The following LAMA2 variants were observed in gnomAD, a reference collection of about 807,000 sequenced individuals.
The protein encoded by LAMA2 is laminin subunit alpha 2, also known as laminin subunit alpha-2.
In LAMA2, 269 loss-of-function variants were observed where a neutral mutation model predicts 364.8. The observed-to-expected ratio is 0.74, with a 90% CI of 0.67 to 0.82. LAMA2 has a LOEUF of 0.82. Ranked by LOEUF, LAMA2 falls within the 40% of genes least tolerant of loss-of-function variation. The pLI is 0.00. For missense variants in LAMA2, 3,807 were observed against 3,873.2 expected (o/e 0.98, Z 0.45); for synonymous variants, 1,379 against 1,370.6 (o/e 1.01, Z -0.14).
chr6:128,951,153 C>G (rs1344162224), intron 1 of LAMA2, among the ~76,000 whole-genome samples: 1 of 152,092 alleles, frequency 6.6e-6, no homozygotes, highest in African/African-American at 2.4e-5. Flanking sequence ...CAAGCATTGA[C>G]TTTGAAATTA....
intron 1 of LAMA2, among the ~76,000 whole-genome samples, chr6:129,024,606 G>A (rs187798897): frequency 2.2e-4 from 33 of 152,076 alleles, no homozygotes; most frequent in Non-Finnish European, 4.7e-4. Flanking sequence ...ATGTTGGCCA[G>A]CCTGGTCTCA....
intron 22 of LAMA2, among the ~76,000 whole-genome samples, chr6:129,310,036 A>T (rs1255695103): frequency 2.7e-5 from 4 of 150,718 alleles, no homozygotes; most frequent in Non-Finnish European, 4.4e-5. Flanking sequence ...AGTAGCTGGG[A>T]CTACAGGCGC....
At chr6:129,328,438 A>G in intron 29 of LAMA2, 26 bp downstream of exon 29, 1 of 1,614,046 alleles carries the variant, frequency 6.2e-7, no homozygotes, top group Non-Finnish European at 8.5e-7. Flanking sequence ...TTCCTTGAAC[A>G]AGGTCCATGT....
At chr6:129,511,918 A>G (rs938863908) in intron 62 of LAMA2, among the ~76,000 whole-genome samples, 4 of 152,134 alleles carry the variant, frequency 2.6e-5, no homozygotes, top group African/African-American at 7.2e-5. Flanking sequence ...GTGCCCCACT[A>G]AAACTTTACT....
intron 48 of LAMA2, 80 bp downstream of exon 48, chr6:129,456,574 A>G: frequency 7.8e-7 from 1 of 1,286,446 alleles, no homozygotes; most frequent in Non-Finnish European, 1.1e-6. Context: ...AAGGTATGAT[A>G]AAGCTCTGTA....
chr6:129,088,870 T>C (rs1014242102), intron 3 of LAMA2, among the ~76,000 whole-genome samples: 2 of 145,030 alleles, frequency 1.4e-5, no homozygotes, highest in Non-Finnish European at 3.0e-5. Flanking sequence ...TCCCAGACGA[T>C]GGGCGGCCAG....
At chr6:129,382,487 C>T (rs551347994) in intron 34 of LAMA2, among the ~76,000 whole-genome samples, 2 of 152,270 alleles carry the variant, frequency 1.3e-5, no homozygotes, top group African/African-American at 4.8e-5. Flanking sequence ...TTTTACTTTG[C>T]TGACACTGCT....
chr6:129,073,064 C>A (rs1030235131), intron 3 of LAMA2, among the ~76,000 whole-genome samples: 6 of 151,960 alleles, frequency 3.9e-5, no homozygotes, highest in Non-Finnish European at 8.8e-5. Context: ...AATCTCTCAT[C>A]TTTTGTTTGT....
Position 129,354,539 on chromosome 6 carries a change from T to A in LAMA2, c.4717+1182T>A, listed in dbSNP as rs547002365. ...TAGACTATCAAAGTATTTTATAATA[T>A]TGCTTTCAAGTCAAATAAATTATTA... On this transcript the variant is annotated intron_variant, in intron 32 of 64. Transcript: ENST00000421865. Among the ~76,000 whole-genome samples the A allele has an allele frequency of 5.9e-5, 9 of 152,072 alleles. No individual in the cohort carries two copies. The South Asian group carries it at 1.9e-3, about 32-fold the overall frequency.
intron 40 of LAMA2, among the ~76,000 whole-genome samples, chr6:129,410,406 G>T (rs184517471): frequency 6.6e-6 from 1 of 151,442 alleles, no homozygotes. Context: ...TCTTCACCTT[G>T]CAATGACTGT....
intron 45 of LAMA2, 55 bp downstream of exon 45, chr6:129,445,876 A>C: frequency 6.7e-7 from 1 of 1,496,880 alleles, no homozygotes; most frequent in South Asian, 1.1e-5. Context: ...TGGATTATTC[A>C]TAGAGGGAAT....
At chr6:129,067,711 C>CT (rs1789462800) in intron 3 of LAMA2, among the ~76,000 whole-genome samples, 1 of 152,204 alleles carries the variant, frequency 6.6e-6, no homozygotes, top group Non-Finnish European at 1.5e-5. Context: ...TCTGATCTCT[C>CT]TTCCTCAGTT....
chr6:129,419,650 T>A (rs1780972799), intron 40 of LAMA2, among the ~76,000 whole-genome samples: 3 of 152,184 alleles, frequency 2.0e-5, no homozygotes, highest in African/African-American at 7.2e-5. Flanking sequence ...GGTGTTCCCA[T>A]AAAGCTAAAA....
At chr6:129,270,590 A>G (rs780545998) in intron 16 of LAMA2, 34 bp from the exon 17 acceptor site, 4 of 1,611,934 alleles carry the variant, frequency 2.5e-6, no homozygotes, top group Non-Finnish European at 3.4e-6. Flanking sequence ...CCTGACACCA[A>G]AATAATAAAC....
intron 1 of LAMA2, among the ~76,000 whole-genome samples, chr6:129,021,019 G>A (rs959173124): frequency 6.6e-6 from 1 of 152,152 alleles, no homozygotes; most frequent in African/African-American, 2.4e-5. Flanking sequence ...CACATTTTAT[G>A]AATAAGTTTT....
intron 12 of LAMA2, among the ~76,000 whole-genome samples, chr6:129,203,238 C>T (rs746634837): frequency 3.9e-5 from 6 of 152,184 alleles, no homozygotes; most frequent in East Asian, 1.9e-4. Flanking sequence ...TAAAACTTCA[C>T]GTTGTTTTCT....
rs775791328 is a variant in LAMA2 at position 129,192,746 on chromosome 6, G to C, written c.1675G>C (p.Asp559His). ...PGRIRVAPQQ[D>H]DLDSPQQISI... ...CCGCATTCGAGTGGCTCCCCAGCAG[G>C]ACGACTTGGACTCACCTCAGCAGAT... is the stretch of plus-strand genomic sequence containing the variant. Residue 559 changes from aspartate to histidine, a missense_variant, in exon 12 of 65, where the codon GAC becomes CAC. Transcript: ENST00000421865. 6 of 1,614,164 alleles carry C rather than the reference G, an allele frequency of 3.7e-6. No homozygotes were observed. The South Asian group carries it at 5.5e-5, about 15-fold the overall frequency.
chr6:129,317,200 A>C (rs900583230), intron 27 of LAMA2, among the ~76,000 whole-genome samples: 7 of 152,166 alleles, frequency 4.6e-5, no homozygotes, highest in African/African-American at 1.7e-4. Flanking sequence ...TGGAGGCAGA[A>C]AGTTGAACTG....
chr6:128,911,532 C>T (rs529411961), intron 1 of LAMA2, among the ~76,000 whole-genome samples: 138 of 152,318 alleles, frequency 9.1e-4, no homozygotes, highest in Non-Finnish European at 1.7e-3. Flanking sequence ...CCTGCGCCCA[C>T]TGTCTGGCAT....
Sources: gnomAD v4.1 joint callset for allele counts (sites outside exome capture counted in the v4.1 genomes callset) on GRCh38, gnomAD v4.1.1 for gene constraint, MANE v1.5 for transcripts, NCBI Gene and HGNC (gene_info 2026-07-23, HGNC 2026-07-21) for gene names.